ANKRD42: variants seen among roughly 807,000 people sequenced by gnomAD.
The protein encoded by ANKRD42 is ankyrin repeat domain 42.
ANKRD42 carries 43 observed loss-of-function variants against 51.5 expected under a neutral mutation model. The ratio of observed to expected loss-of-function variants is 0.83; its 90% CI spans 0.65 to 1.08. The LOEUF (loss-of-function observed/expected upper bound fraction) is 1.08. Ranked by LOEUF, ANKRD42 falls within the 50% of genes least tolerant of loss-of-function variation. The pLI is 0.00. For synonymous variants in ANKRD42, 203 were observed against 213.0 expected, an observed-to-expected ratio of 0.95 and a Z score of 0.41; for missense variants, 608 against 629.3, an observed-to-expected ratio of 0.97 and a Z score of 0.36.
chr11:83,201,158 C>T (rs1454772093), intron 2 of ANKRD42, among the ~76,000 whole-genome samples: 1 of 152,008 alleles, frequency 6.6e-6, no homozygotes, highest in Non-Finnish European at 1.5e-5. Context: ...TAACCCTCCA[C>T]CCCCCGACAG....
At chr11:83,216,597 T>TA (rs1862544594) in intron 5 of ANKRD42, among the ~76,000 whole-genome samples, 1 of 152,218 alleles carries the variant, frequency 6.6e-6, no homozygotes, top group Admixed American at 6.5e-5. Context: ...GTGCTGGGAT[T>TA]ACAGGCGTGA....
chr11:83,259,805 T>C (rs1012584867), downstream of ANKRD42: 8 of 152,270 alleles, frequency 5.3e-5, no homozygotes, highest in Admixed American at 3.9e-4. Context: ...GCTAGGACTA[T>C]AGATGTGTGC....
chr11:83,226,792 C>A (rs1458268692), intron 6 of ANKRD42, among the ~76,000 whole-genome samples: 2 of 115,806 alleles, frequency 1.7e-5, no homozygotes, highest in African/African-American at 3.8e-5. Context: ...AAAGTGAGAC[C>A]CTGCCTCTAA....
At position 83,194,390 on chromosome 11, in the gene ANKRD42, T is replaced by C. The variant is rs575667927; in HGVS notation, c.-281T>C. On this transcript the variant is annotated 5_prime_UTR_variant, in exon 1 of 11. Transcript: ENST00000533342. ...AGCGTTGGTAGTTCTTGGGAGGAAGTAAGTGGAGACCGCGGCTACGCAGCC... is the reference window on the plus strand; with the variant it reads ...AGCGTTGGTAGTTCTTGGGAGGAAGCAAGTGGAGACCGCGGCTACGCAGCC... 1 of 652,364 alleles carries C rather than the reference T, an allele frequency of 1.5e-6. No individual in the cohort carries two copies. The highest frequency in any genetic ancestry group is 2.8e-6 in the Non-Finnish European group (1 of 353,246). The allele number at this position is 652,364 out of a possible 1,614,324, so 40.4% of individuals were successfully genotyped here.
At chr11:83,232,794 T>C (rs1863113162) in intron 7 of ANKRD42, among the ~76,000 whole-genome samples, 1 of 152,184 alleles carries the variant, frequency 6.6e-6, no homozygotes, top group Non-Finnish European at 1.5e-5. Flanking sequence ...TAAGAAGAGA[T>C]GTTGAATTTT....
intron 7 of ANKRD42, among the ~76,000 whole-genome samples, chr11:83,232,667 C>A (rs947679313): frequency 3.9e-5 from 6 of 152,146 alleles, no homozygotes; most frequent in Admixed American, 2.0e-4. Flanking sequence ...TCCTTGTGTT[C>A]CAGGTCTTAA....
chr11:83,259,278 T>A (rs1430484449), downstream of ANKRD42: 1 of 152,222 alleles, frequency 6.6e-6, no homozygotes, highest in African/African-American at 2.4e-5. Context: ...CCTCTCATCC[T>A]TATTTCATAT....
At chr11:83,200,087 T>C (rs1861810223) in intron 2 of ANKRD42, among the ~76,000 whole-genome samples, 1 of 152,042 alleles carries the variant, frequency 6.6e-6, no homozygotes, top group South Asian at 2.1e-4. Context: ...GTTTTTTTGC[T>C]CTTTGCTTTT....
chr11:83,262,828 A>ATAT (rs370165106), downstream of ANKRD42, among the ~76,000 whole-genome samples: 101 of 152,314 alleles, frequency 6.6e-4, 1 homozygote, highest in African/African-American at 2.3e-3. Context: ...ATCTCTAAGA[A>ATAT]ATATAGAGAA....
chr11:83,219,015 A>G (rs1436808308), intron 5 of ANKRD42, among the ~76,000 whole-genome samples: 1 of 152,158 alleles, frequency 6.6e-6, no homozygotes, highest in Non-Finnish European at 1.5e-5. Flanking sequence ...CTTCTTTTTT[A>G]AGGTTTCAGG....
chr11:83,253,680 G>A (rs1022102378), downstream of ANKRD42, among the ~76,000 whole-genome samples: 1 of 152,140 alleles, frequency 6.6e-6, no homozygotes, highest in Non-Finnish European at 1.5e-5. Context: ...GAGAAAACAT[G>A]TATTGGGGAG....
Position 83,193,942 on chromosome 11 carries a change from G to A in ANKRD42, c.-729G>A. The A allele has an allele frequency of 4.4e-6, 2 of 456,124 alleles. No individual in the cohort carries two copies. The highest frequency in any genetic ancestry group is 3.1e-5 in the South Asian group (2 of 64,550). 28.3% of individuals were successfully genotyped at this position (456,124 alleles called of 1,614,324 possible). A position where few individuals can be genotyped will look rare whatever the true frequency, so the allele number is the denominator to read the frequency against. On this transcript the variant is annotated 5_prime_UTR_variant, in exon 1 of 11. Coordinates refer to ENST00000533342, the MANE Select transcript of ANKRD42 (RefSeq NM_001300975.2). ...TAGGGAAAGAGTTAGCGACGACGGG[G>A]AAAGAAAATGTGAAGAGAGCGACCG... is the stretch of plus-strand genomic sequence containing the variant.
chr11:83,258,721 C>T (rs1863816046), downstream of ANKRD42, among the ~76,000 whole-genome samples: 1 of 152,108 alleles, frequency 6.6e-6, no homozygotes, highest in Non-Finnish European at 1.5e-5. Flanking sequence ...CAGCCTTTCC[C>T]ACTGCCCTTT....
intron 5 of ANKRD42, among the ~76,000 whole-genome samples, chr11:83,222,853 G>A (rs1259753750): frequency 6.6e-6 from 1 of 152,128 alleles, no homozygotes; most frequent in Non-Finnish European, 1.5e-5. Context: ...TAAACCTTCT[G>A]CCTCAGCCTT....
In ANKRD42 at chr11:83,194,591, C is replaced by G. The variant is rs558073333; in HGVS notation, c.-80C>G. The G allele has an allele frequency of 2.8e-6, 4 of 1,416,914 alleles. No homozygotes were observed. In the African/African-American group the frequency reaches 4.2e-5, roughly 15 times the overall value. 87.8% of individuals were successfully genotyped at this position (1,416,914 alleles called of 1,614,324 possible). A position where few individuals can be genotyped will look rare whatever the true frequency, so the allele number is the denominator to read the frequency against. The stretch of plus-strand genomic sequence containing the variant: ...GAGGGCCGCTGCCGCTGCAGTGGCT[C>G]GTGGGTGAGAGCAAGTGAAGACCGC... On this transcript the variant is annotated 5_prime_UTR_variant, in exon 1 of 11. Coordinates refer to ENST00000533342, the MANE Select transcript of ANKRD42 (RefSeq NM_001300975.2).
intron 5 of ANKRD42, among the ~76,000 whole-genome samples, chr11:83,216,985 T>G (rs1391538675): frequency 6.9e-6 from 1 of 144,972 alleles, no homozygotes. Flanking sequence ...AGAGGGGATC[T>G]TTTTAGGCCA....
Position 83,227,889 on chromosome 11 carries a change from C to T in ANKRD42, c.913+17C>T, listed in dbSNP as rs777376318. The T allele has an allele frequency of 1.9e-6, 3 of 1,585,048 alleles. No homozygotes were observed. The highest frequency in any genetic ancestry group is 1.9e-5 in the Admixed American group (1 of 53,016). Reference sequence around the variant, plus strand: ...TGCATAAAGGTGAGTTATGATTCCTCCTTTCAGTTCGGATACAATAGCTGC... The same window carrying T: ...TGCATAAAGGTGAGTTATGATTCCTTCTTTCAGTTCGGATACAATAGCTGC... On this transcript the variant is annotated intron_variant, in intron 7 of 10. Coordinates refer to ENST00000533342, the MANE Select transcript of ANKRD42 (RefSeq NM_001300975.2).
chr11:83,215,806 G>GT (rs1039823567), intron 5 of ANKRD42, among the ~76,000 whole-genome samples: 1 of 151,478 alleles, frequency 6.6e-6, no homozygotes, highest in Admixed American at 6.6e-5. Flanking sequence ...TTGTTTGTTT[G>GT]TTTTTTTCAG....
At chr11:83,245,089 A>C (rs902968614) in intron 9 of ANKRD42, among the ~76,000 whole-genome samples, 2 of 152,146 alleles carry the variant, frequency 1.3e-5, no homozygotes, top group African/African-American at 2.4e-5. Context: ...TTTTTAGTAG[A>C]GACGGGGTTT....
Sources: allele counts gnomAD v4.1 joint callset (sites outside exome capture counted in the v4.1 genomes callset), GRCh38; gene constraint gnomAD v4.1.1; transcripts MANE v1.5; gene names NCBI Gene and HGNC (gene_info 2026-07-23, HGNC 2026-07-21).